KMT2C: variants seen among roughly 807,000 people sequenced by gnomAD.
The protein encoded by KMT2C is histone-lysine N-methyltransferase 2C.
Under a neutral mutation model 507.9 loss-of-function variants are expected in KMT2C, and 88 were observed. That is an observed-to-expected ratio of 0.17 (90% CI 0.15 to 0.21). The LOEUF (loss-of-function observed/expected upper bound fraction) is 0.21. KMT2C is among the 10% of genes least tolerant of loss of function. The probability of loss-of-function intolerance (pLI) is 1.00; values close to 1 mark genes in which losing one functional copy is unlikely to be tolerated. For missense variants in KMT2C, 4,954 were observed against 5,957.8 expected (o/e 0.83, Z 5.55); for synonymous variants, 2,049 against 2,080.8 (o/e 0.98, Z 0.42).
chr7:152,352,157 C>T (rs1437961616), intron 2 of KMT2C, among the ~76,000 whole-genome samples: 3 of 152,266 alleles, frequency 2.0e-5, no homozygotes, highest in East Asian at 1.9e-4. Flanking sequence ...CCCTTGGGTG[C>T]GGCTGTCTTT....
chr7:152,163,478 G>A lies in KMT2C; in HGVS notation c.10099C>T (p.Pro3367Ser), dbSNP rs199597064. Residue 3367 changes from proline (P) to serine (S), a missense_variant, in exon 43 of 59, where the codon CCA (proline) becomes TCA (serine). Coordinates refer to ENST00000262189, the MANE Select transcript of KMT2C (RefSeq NM_170606.3). ...QLPIKTCTPA[P>S]GTVSNANPQS... ...GGATTTGCATTTGAGACTGTCCCTG[G>A]GGCTGGTGTACAAGTTTTTATTGGT... 29 of 1,614,172 alleles carry A rather than the reference G, an allele frequency of 1.8e-5. No homozygotes were observed. In the African/African-American group the frequency reaches 2.9e-4, roughly 16 times the overall value.
chr7:152,423,048 A>C (rs924022662), intron 1 of KMT2C, among the ~76,000 whole-genome samples: 3 of 151,656 alleles, frequency 2.0e-5, no homozygotes, highest in Admixed American at 2.0e-4. Flanking sequence ...AGAAAAAAAA[A>C]CTACATTCCC....
intron 24 of KMT2C, among the ~76,000 whole-genome samples, 170 bp from the exon 25 acceptor site, chr7:152,205,395 C>CAAA (rs35077313): frequency 3.5e-5 from 2 of 57,188 alleles, no homozygotes; most frequent in African/African-American, 6.0e-5. Flanking sequence ...TAAAAACGAC[C>CAAA]AAAAAAAAAA....
rs2093205252 is a variant in KMT2C at position 152,176,233 on chromosome 7, C to T, written c.9220G>A (p.Ala3074Thr). 1.9e-6 allele frequency: 3 copies of T among 1,612,564 alleles called. No homozygotes were observed. The highest frequency in any genetic ancestry group is 1.6e-4 in the Middle Eastern group (1 of 6,078). ...GGTTCTGATCGCTGACGAATCATGG[C>T]TTGCATCTGTCTTTGCTGCTGCTGT... is the stretch of plus-strand genomic sequence containing the variant. ...QEQQQQRQMQ[A>T]MIRQRSEPFF... Residue 3074 changes from alanine (A) to threonine (T), a missense_variant, in exon 38 of 59, where the codon GCC becomes ACC. Physicochemically the swap from Ala to Thr is moderately conservative, Grantham distance 58 (BLOSUM62 0). This residue lies in a region of KMT2C where 1,689 missense variants were observed against 1,654.3 expected (regional missense o/e 1.02). Transcript: ENST00000262189.
intron 6 of KMT2C, among the ~76,000 whole-genome samples, chr7:152,280,390 TA>T (rs375246225): frequency 1.1e-3 from 119 of 104,950 alleles, no homozygotes; most frequent in African/African-American, 2.2e-3. Flanking sequence ...AAAATAAAAA[TA>T]AAAAAAAAAA....
chr7:152,218,410 C>T (rs1384102791), intron 23 of KMT2C, among the ~76,000 whole-genome samples: 1 of 152,022 alleles, frequency 6.6e-6, no homozygotes, highest in South Asian at 2.1e-4. Flanking sequence ...GTGATCCACC[C>T]GCCTTGGCCT....
intron 8 of KMT2C, among the ~76,000 whole-genome samples, chr7:152,263,531 A>G (rs1016685492): frequency 3.3e-5 from 5 of 152,224 alleles, no homozygotes; most frequent in African/African-American, 1.2e-4. Context: ...AAGAGGATCA[A>G]ATTTGGCATC....
At chr7:152,352,302 T>C (rs2097119308) in intron 2 of KMT2C, among the ~76,000 whole-genome samples, 1 of 152,170 alleles carries the variant, frequency 6.6e-6, no homozygotes, top group Admixed American at 6.5e-5. Context: ...CCTGATAAGA[T>C]GTTATCAATT....
chr7:152,189,610 T>C (rs1229575720), intron 31 of KMT2C, among the ~76,000 whole-genome samples: 1 of 152,132 alleles, frequency 6.6e-6, no homozygotes, highest in Non-Finnish European at 1.5e-5. Flanking sequence ...CCTACATAGC[T>C]CCAGTATGTA....
intron 2 of KMT2C, among the ~76,000 whole-genome samples, chr7:152,343,013 T>C (rs781096663): frequency 6.6e-6 from 1 of 152,134 alleles, no homozygotes; most frequent in African/African-American, 2.4e-5. Context: ...CCCCTCCTCC[T>C]ACAAGGCCCA....
chr7:152,350,165 G>A (rs62495472), intron 2 of KMT2C, among the ~76,000 whole-genome samples: 3 of 152,030 alleles, frequency 2.0e-5, no homozygotes, highest in Admixed American at 6.5e-5. Context: ...CAGGAGAATC[G>A]CTTGAACCCA....
At chr7:152,390,460 T>C (rs2097483632) in intron 1 of KMT2C, among the ~76,000 whole-genome samples, 1 of 152,424 alleles carries the variant, frequency 6.6e-6, no homozygotes, top group South Asian at 2.1e-4. Context: ...AGCTACGAAG[T>C]ATACAACAGT....
chr7:152,377,337 T>C (rs1260402174), intron 1 of KMT2C, among the ~76,000 whole-genome samples: 1 of 152,288 alleles, frequency 6.6e-6, no homozygotes, highest in African/African-American at 2.4e-5. Context: ...TTGATGGATA[T>C]GTTCAGAAAG....
chr7:152,348,356 G>A (rs1216837150), intron 2 of KMT2C, among the ~76,000 whole-genome samples: 2 of 151,854 alleles, frequency 1.3e-5, no homozygotes, highest in East Asian at 3.9e-4. Context: ...TAGCACTTTG[G>A]GAGGCCGAGG....
chr7:152,229,009 C>CA (rs1297186990), intron 18 of KMT2C, among the ~76,000 whole-genome samples: 1 of 152,040 alleles, frequency 6.6e-6, no homozygotes, highest in African/African-American at 2.4e-5. Context: ...TAGTTATCAA[C>CA]AAAGAATTCT....
intron 1 of KMT2C, among the ~76,000 whole-genome samples, chr7:152,362,243 G>A (rs2097203016): frequency 6.6e-6 from 1 of 152,180 alleles, no homozygotes; most frequent in African/African-American, 2.4e-5. Flanking sequence ...ACAGATATCT[G>A]GGAGAAAAGC....
chr7:152,393,429 G>T (rs2097515693), intron 1 of KMT2C, among the ~76,000 whole-genome samples: 1 of 151,952 alleles, frequency 6.6e-6, no homozygotes, highest in African/African-American at 2.4e-5. Flanking sequence ...AAGGATGATC[G>T]ACTTAACAGA....
chr7:152,205,001 G>A (rs1337029979), intron 25 of KMT2C, 105 bp downstream of exon 25: 9 of 659,566 alleles, frequency 1.4e-5, no homozygotes, highest in Middle Eastern at 3.3e-4. Flanking sequence ...AGGCAATAAG[G>A]CTCTTATTGA....
intron 31 of KMT2C, among the ~76,000 whole-genome samples, chr7:152,191,092 TTCC>T (rs2093778132): frequency 6.6e-6 from 1 of 152,212 alleles, no homozygotes; most frequent in Non-Finnish European, 1.5e-5. Flanking sequence ...TTAAAAAGCA[TTCC>T]TCGAGATTCT....
Sources: allele counts gnomAD v4.1 joint callset (sites outside exome capture counted in the v4.1 genomes callset), GRCh38; gene constraint gnomAD v4.1.1; regional missense constraint gnomAD v4.1.1; transcripts MANE v1.5; gene names NCBI Gene and HGNC (gene_info 2026-07-23, HGNC 2026-07-21).